The following PGM2 variants were observed in gnomAD, a reference collection of about 807,000 sequenced individuals.
The protein encoded by PGM2 is phosphopentomutase.
PGM2 carries 57 observed loss-of-function variants against 74.6 expected under a neutral mutation model. The ratio of observed to expected loss-of-function variants is 0.76; its 90% CI spans 0.62 to 0.95. PGM2 has a LOEUF of 0.95. PGM2 is among the 40% of genes least tolerant of loss of function. The pLI is 0.00. For synonymous variants in PGM2, 273 were observed against 260.7 expected (o/e 1.05, Z -0.46); for missense variants, 706 against 741.9 (o/e 0.95, Z 0.56).
intron 6 of PGM2, 116 bp from the exon 7 acceptor site, chr4:37,844,248 T>C: frequency 1.6e-6 from 1 of 641,536 alleles, no homozygotes; most frequent in Non-Finnish European, 2.7e-6. Context: ...TACGTTTTGT[T>C]TTTCTGAAAT....
At chr4:37,828,461 A>G (rs1325583423) in intron 1 of PGM2, among the ~76,000 whole-genome samples, 2 of 152,206 alleles carry the variant, frequency 1.3e-5, no homozygotes, top group Middle Eastern at 3.4e-3. Flanking sequence ...CCCACCAGCT[A>G]AAAGCATTGC....
intron 1 of PGM2, among the ~76,000 whole-genome samples, chr4:37,827,364 G>C (rs1725320796): frequency 6.6e-6 from 1 of 152,186 alleles, no homozygotes; most frequent in Admixed American, 6.5e-5. Flanking sequence ...GACTGCCAGG[G>C]AGGCACACCT....
Position 37,861,835 on chromosome 4 carries a change from T to G in PGM2, c.*223T>G, listed in dbSNP as rs113043652. 2,873 of 394,804 alleles carry G rather than the reference T, an allele frequency of 7.3e-3. 84 individuals are homozygous for G. Among genetic ancestry groups the G allele is most frequent in the African/African-American group, 0.052 (2,632 of 50,290 alleles). 24.5% of individuals were successfully genotyped at this position (394,804 alleles called of 1,614,324 possible). On this transcript the variant is annotated 3_prime_UTR_variant, in exon 14 of 14. Coordinates refer to ENST00000381967, the MANE Select transcript of PGM2 (RefSeq NM_018290.4). The stretch of plus-strand genomic sequence containing the variant: ...CCTACTAAAAAGTTGAGCTTGGACA[T>G]ATTTTGAATTTTTGTAAGTGAAGAT...
chr4:37,849,152 C>T (rs746408118), intron 11 of PGM2, among the ~76,000 whole-genome samples: 2 of 151,906 alleles, frequency 1.3e-5, no homozygotes, highest in African/African-American at 4.8e-5. Flanking sequence ...ATTACTATTC[C>T]CGATCGCATT....
At chr4:37,852,679 C>T (rs1051743454) in intron 12 of PGM2, among the ~76,000 whole-genome samples, 2 of 152,152 alleles carry the variant, frequency 1.3e-5, no homozygotes, top group Non-Finnish European at 2.9e-5. Context: ...CCTTTTTCAG[C>T]AGATAGTTAA....
At chr4:37,832,546 CTGGAGGAAACTTT>C (rs1725466211) in intron 2 of PGM2, among the ~76,000 whole-genome samples, 1 of 152,210 alleles carries the variant, frequency 6.6e-6, no homozygotes, top group African/African-American at 2.4e-5. Context: ...AGGACAGAGA[CTGGAGGAAACTTT>C]TGTATTGTTT....
At chr4:37,849,610 T>C (rs892228141) in intron 11 of PGM2, among the ~76,000 whole-genome samples, 1 of 151,792 alleles carries the variant, frequency 6.6e-6, no homozygotes, top group South Asian at 2.1e-4. Context: ...GGTTTCACCA[T>C]ATTGGCCAGG....
rs116501938 is a variant in PGM2 at position 37,839,558 on chromosome 4, G to A, written c.442-290G>A. 9.8e-4 allele frequency: 533 copies of A among 545,620 alleles called. 2 individuals are homozygous for A. Among genetic ancestry groups the A allele is most frequent in the African/African-American group, 8.4e-3 (451 of 53,476 alleles). 33.8% of individuals were successfully genotyped at this position (545,620 alleles called of 1,614,324 possible). On this transcript the variant is annotated intron_variant, in intron 4 of 13. Transcript: ENST00000381967. The stretch of plus-strand genomic sequence containing the variant: ...CATTGGAATGGAGGCTTAGACCATC[G>A]TTGTGTTTGAAGAATTTTCTAGCTC...
chr4:37,828,707 C>A (rs1725360635), intron 1 of PGM2, among the ~76,000 whole-genome samples: 1 of 149,322 alleles, frequency 6.7e-6, no homozygotes. Flanking sequence ...ATTTTCCAGA[C>A]CTACACTATG....
intron 13 of PGM2, 98 bp from the exon 14 acceptor site, chr4:37,861,412 G>T: frequency 1.4e-6 from 1 of 723,468 alleles, no homozygotes; most frequent in Non-Finnish European, 2.4e-6. Flanking sequence ...CTCTTCTTAA[G>T]GTTATATTTT....
Position 37,834,749 on chromosome 4 carries a change from A to C in PGM2, c.356+25A>C, listed in dbSNP as rs918156464. 2.7e-6 allele frequency: 3 copies of C among 1,104,748 alleles called. No individual in the cohort carries two copies. The South Asian group carries it at 4.1e-5, about 15-fold the overall frequency. The allele number at this position is 1,104,748 out of a possible 1,614,324, so 68.4% of individuals were successfully genotyped here. On this transcript the variant is annotated intron_variant, in intron 3 of 13. Transcript: ENST00000381967. ...GGTATTTAAACATTTTTACAAAATGATGTTTTTATAATTTATTTTGCAGTT... is the reference window on the plus strand; with the variant it reads ...GGTATTTAAACATTTTTACAAAATGCTGTTTTTATAATTTATTTTGCAGTT...
intron 2 of PGM2, among the ~76,000 whole-genome samples, chr4:37,830,797 T>C (rs1342094809): frequency 6.6e-6 from 1 of 152,204 alleles, no homozygotes; most frequent in African/African-American, 2.4e-5. Flanking sequence ...AAAAATTGCC[T>C]AATAGTGATT....
At chr4:37,845,766 T>G in intron 8 of PGM2, 36 bp downstream of exon 8, 2 of 1,238,074 alleles carry the variant, frequency 1.6e-6, no homozygotes, top group Non-Finnish European at 2.4e-6. Flanking sequence ...TTATAGAACA[T>G]ATAAAGGATG....
intron 11 of PGM2, among the ~76,000 whole-genome samples, chr4:37,849,897 C>T (rs1725990936): frequency 1.3e-5 from 2 of 152,186 alleles, no homozygotes; most frequent in South Asian, 4.1e-4. Flanking sequence ...AGCGATTCTC[C>T]TGCTGCAGCC....
chr4:37,845,769 A>G (rs2152178555), intron 8 of PGM2, 39 bp downstream of exon 8: 4 of 1,215,910 alleles, frequency 3.3e-6, no homozygotes, highest in Non-Finnish European at 3.7e-6. Context: ...TAGAACATAT[A>G]AAGGATGATC....
intron 2 of PGM2, among the ~76,000 whole-genome samples, chr4:37,833,011 G>C (rs2152174759): frequency 6.6e-6 from 1 of 152,028 alleles, no homozygotes; most frequent in East Asian, 1.9e-4. Flanking sequence ...TTTGCCCCAT[G>C]GAGCATTGGG....
intron 4 of PGM2, 110 bp from the exon 5 acceptor site, chr4:37,839,738 T>A (rs1258528520): frequency 2.8e-6 from 2 of 705,918 alleles, no homozygotes; most frequent in Admixed American, 2.1e-5. Flanking sequence ...TTATATATTA[T>A]GTTTATTAAA....
chr4:37,838,773 G>A (rs1725630925), intron 4 of PGM2, among the ~76,000 whole-genome samples: 1 of 152,182 alleles, frequency 6.6e-6, no homozygotes, highest in Non-Finnish European at 1.5e-5. Context: ...TTAATTTTAT[G>A]TCAGACATGA....
intron 12 of PGM2, among the ~76,000 whole-genome samples, chr4:37,854,458 C>T (rs1200306366): frequency 6.6e-6 from 1 of 152,120 alleles, no homozygotes; most frequent in Non-Finnish European, 1.5e-5. Context: ...TCAAGTGACT[C>T]TCCTGCATCA....
Sources: allele counts gnomAD v4.1 joint callset (sites outside exome capture counted in the v4.1 genomes callset), GRCh38; gene constraint gnomAD v4.1.1; transcripts MANE v1.5; gene names NCBI Gene and HGNC (gene_info 2026-07-23, HGNC 2026-07-21).